The following ZNF782 variants were observed in gnomAD, a reference collection of about 807,000 sequenced individuals.
ZNF782 encodes zinc finger protein 782.
Under a neutral mutation model 13.0 loss-of-function variants are expected in ZNF782, and 12 were observed. The observed-to-expected ratio is 0.92, with a 90% confidence interval of 0.59 to 1.50. The LOEUF (loss-of-function observed/expected upper bound fraction) is 1.50. Ranked by LOEUF, ZNF782 falls within the 40% of genes most tolerant of loss-of-function variation. The probability of loss-of-function intolerance (pLI) is 0.00; values close to 1 mark genes in which losing one functional copy is unlikely to be tolerated. For missense variants in ZNF782, 770 were observed against 822.9 expected (o/e 0.94, Z 0.79); for synonymous variants, 284 against 283.0 (o/e 1.00, Z -0.04).
chr9:96,840,059 G>A (rs1851140728), intron 4 of ZNF782, among the ~76,000 whole-genome samples: 1 of 152,098 alleles, frequency 6.6e-6, no homozygotes, highest in African/African-American at 2.4e-5. Context: ...TAATGCACCT[G>A]TAATTTCTTT....
chr9:96,911,665 C>A, the ZNF782 span, among the ~76,000 whole-genome samples: 553 of 150,718 alleles, frequency 3.7e-3, no homozygotes, highest in African/African-American at 0.013. Flanking sequence ...GGACTACAGG[C>A]GCCCGCCACT....
the ZNF782 span, among the ~76,000 whole-genome samples, chr9:96,931,372 G>C: frequency 6.6e-6 from 1 of 150,608 alleles, no homozygotes; most frequent in African/African-American, 2.5e-5. Context: ...AGCACACTGA[G>C]AGCCACCAAG....
rs532804624 is a variant in ZNF782, at chr9:96,846,167, A to G, written c.16-1151T>C. Among the ~76,000 whole-genome samples the G allele has an allele frequency of 2.6e-5, 4 of 152,332 alleles. No homozygotes were observed. The South Asian group carries it at 8.3e-4, about 32-fold the overall frequency. On this transcript the variant is annotated intron_variant, in intron 3 of 5. Transcript: ENST00000481138. Reference sequence around the variant, plus strand: ...TGCTGAGGGACTTTGTCGTTACCAAACCAGCACTATGAGAAATGCTAAAAA... The same window carrying G: ...TGCTGAGGGACTTTGTCGTTACCAAGCCAGCACTATGAGAAATGCTAAAAA...
the ZNF782 span, among the ~76,000 whole-genome samples, chr9:96,882,877 A>G: frequency 2.4e-4 from 36 of 152,268 alleles, no homozygotes; most frequent in African/African-American, 7.9e-4. Context: ...AACTTGTAGG[A>G]GGGGTGGTTT....
the ZNF782 span, among the ~76,000 whole-genome samples, chr9:96,899,851 G>A: frequency 6.6e-6 from 1 of 151,892 alleles, no homozygotes; most frequent in Non-Finnish European, 1.5e-5. Flanking sequence ...CCAGGCTGGG[G>A]TGCAGTGGCA....
chr9:96,910,978 G>T, the ZNF782 span, among the ~76,000 whole-genome samples: 2 of 148,082 alleles, frequency 1.4e-5, no homozygotes, highest in Non-Finnish European at 3.0e-5. Context: ...AAATTTGCTT[G>T]TATTTTTAAT....
intron 1 of ZNF782, among the ~76,000 whole-genome samples, chr9:96,866,118 A>T (rs927118892): frequency 4.6e-5 from 7 of 152,242 alleles, no homozygotes; most frequent in African/African-American, 1.7e-4. Context: ...AGAAATTTGC[A>T]TAAGTAATGA....
At chr9:96,885,336 A>T in the ZNF782 span, among the ~76,000 whole-genome samples, 1 of 152,192 alleles carries the variant, frequency 6.6e-6, no homozygotes, top group Admixed American at 6.5e-5. Context: ...ACTGAAAAAT[A>T]TGATAACCAC....
chr9:96,933,273 C>G, the ZNF782 span, among the ~76,000 whole-genome samples: 3 of 151,846 alleles, frequency 2.0e-5, no homozygotes, highest in Non-Finnish European at 2.9e-5. Flanking sequence ...CCACCGTGCC[C>G]GGCTTTTACT....
In ZNF782 at chr9:96,851,069, T is replaced by A. The variant is rs778541367; in HGVS notation, c.15+878A>T. On this transcript the variant is annotated intron_variant, in intron 3 of 5. Coordinates refer to ENST00000481138, the MANE Select transcript of ZNF782 (RefSeq NM_001001662.3). Reference sequence around the variant, plus strand: ...GTTTTTAAAATAAAATATCTTAGTATCTCATTTTATTTTTCTCTTGGTTTA... The same window carrying A: ...GTTTTTAAAATAAAATATCTTAGTAACTCATTTTATTTTTCTCTTGGTTTA... Among the ~76,000 whole-genome samples the A allele has an allele frequency of 2.0e-4, 31 of 152,154 alleles. 2 individuals carry two copies. Among genetic ancestry groups the A allele is most frequent in the Non-Finnish European group, 8.8e-5 (6 of 68,012 alleles).
chr9:96,840,479 A>C (rs1404886686), intron 4 of ZNF782, among the ~76,000 whole-genome samples: 1 of 152,028 alleles, frequency 6.6e-6, no homozygotes, highest in Non-Finnish European at 1.5e-5. Flanking sequence ...ACCCAGCTTC[A>C]AAAAAATTAC....
intron 4 of ZNF782, among the ~76,000 whole-genome samples, chr9:96,830,593 T>C (rs1407916476): frequency 6.6e-6 from 1 of 151,916 alleles, no homozygotes; most frequent in African/African-American, 2.4e-5. Context: ...CCCCCCAACC[T>C]CCCCTGCCAC....
chr9:96,856,467 C>T (rs1851643586), upstream of ZNF782, among the ~76,000 whole-genome samples: 2 of 152,216 alleles, frequency 1.3e-5, no homozygotes, highest in African/African-American at 2.4e-5. Context: ...CTCCCTTTCT[C>T]CCGCCCTCCC....
At chr9:96,883,820 A>G in the ZNF782 span, among the ~76,000 whole-genome samples, 1 of 152,360 alleles carries the variant, frequency 6.6e-6, no homozygotes, top group East Asian at 1.9e-4. Context: ...AGAGACATCA[A>G]GAGTTGATGA....
intron 5 of ZNF782, among the ~76,000 whole-genome samples, chr9:96,823,862 A>G (rs1355572173): frequency 1.3e-5 from 2 of 152,032 alleles, no homozygotes; most frequent in Non-Finnish European, 2.9e-5. Context: ...TGTGTAGATA[A>G]GAGTTGATTC....
intron 5 of ZNF782, among the ~76,000 whole-genome samples, chr9:96,820,035 T>C (rs545244784): frequency 4.6e-5 from 7 of 152,218 alleles, no homozygotes; most frequent in African/African-American, 1.7e-4. Flanking sequence ...CAAAACTGAA[T>C]AGAGAAGAGG....
the ZNF782 span, among the ~76,000 whole-genome samples, chr9:96,933,124 C>A: frequency 7.3e-5 from 11 of 150,892 alleles, no homozygotes; most frequent in Non-Finnish European, 1.5e-4. Flanking sequence ...ACTACAGGTG[C>A]CCGCCACCAT....
intron 4 of ZNF782, among the ~76,000 whole-genome samples, chr9:96,832,080 A>T (rs1260229007): frequency 1.3e-5 from 2 of 151,142 alleles, no homozygotes; most frequent in African/African-American, 4.9e-5. Flanking sequence ...TCTCTTGAAC[A>T]TTTTTTTTAG....
chr9:96,885,417 G>A, the ZNF782 span, among the ~76,000 whole-genome samples: 2 of 151,926 alleles, frequency 1.3e-5, no homozygotes, highest in Non-Finnish European at 2.9e-5. Flanking sequence ...TGAACCTGAA[G>A]ACAGATCAAT....
Sources: allele counts gnomAD v4.1 joint callset (sites outside exome capture counted in the v4.1 genomes callset), GRCh38; gene constraint gnomAD v4.1.1; transcripts MANE v1.5; gene names NCBI Gene and HGNC (gene_info 2026-07-23, HGNC 2026-07-21).